PSEN1: variants seen among roughly 807,000 people sequenced by gnomAD.
The protein encoded by PSEN1 is presenilin 1.
Under a neutral mutation model 53.5 loss-of-function variants are expected in PSEN1, and 15 were observed. That is an observed-to-expected ratio of 0.28 (90% CI 0.19 to 0.43). The LOEUF is 0.43. PSEN1 is among the 20% of genes least tolerant of loss of function. The pLI, the probability that PSEN1 is intolerant of heterozygous loss-of-function variation, is 1.00. For synonymous variants in PSEN1, 208 were observed against 209.8 expected, an observed-to-expected ratio of 0.99 and a Z score of 0.08; for missense variants, 387 against 571.2, an observed-to-expected ratio of 0.68 and a Z score of 3.29.
At position 73,203,204 on chromosome 14, in the gene PSEN1, G is replaced by A. The variant is rs2140118338; in HGVS notation, c.869-3182G>A. ...AGCGATTCTCCTGCCTCGGCCTCCT[G>A]AGTAGCTGGGATTACAGACGCCTGC... On this transcript the variant is annotated intron_variant, in intron 8 of 11. Transcript: ENST00000324501. Among the ~76,000 whole-genome samples the A allele has an allele frequency of 1.3e-5, 2 of 152,206 alleles. 1 individual carries two copies. The highest frequency in any genetic ancestry group is 4.2e-4 in the South Asian group (2 of 4,804).
intron 3 of PSEN1, among the ~76,000 whole-genome samples, chr14:73,163,663 G>A (rs1280566010): frequency 6.6e-6 from 1 of 152,110 alleles, no homozygotes; most frequent in Non-Finnish European, 1.5e-5. Context: ...TCGATAGTCA[G>A]GAAATTCTCT....
At chr14:73,186,020 CAA>C (rs1039640884) in intron 5 of PSEN1, among the ~76,000 whole-genome samples, 1 of 152,124 alleles carries the variant, frequency 6.6e-6, no homozygotes, top group African/African-American at 2.4e-5. Flanking sequence ...ATTTTTGTAA[CAA>C]AATGTTGGAA....
At chr14:73,183,910 G>T (rs1898322264) in intron 5 of PSEN1, among the ~76,000 whole-genome samples, 1 of 149,378 alleles carries the variant, frequency 6.7e-6, no homozygotes, top group Non-Finnish European at 1.5e-5. Context: ...GGGCGGGGCG[G>T]CTGGCCGGGC....
chr14:73,183,826 C>T (rs369750792), intron 5 of PSEN1, among the ~76,000 whole-genome samples: 19 of 150,890 alleles, frequency 1.3e-4, no homozygotes, highest in Admixed American at 7.9e-4. Context: ...ACCTCCCAGA[C>T]GGGGTGGTGG....
intron 8 of PSEN1, among the ~76,000 whole-genome samples, chr14:73,200,934 C>T (rs1445150404): frequency 1.3e-5 from 2 of 151,956 alleles, no homozygotes; most frequent in Admixed American, 6.6e-5. Flanking sequence ...ACTTGTAATC[C>T]CAGTTACTTG....
At chr14:73,153,345 G>A (rs1897275704) in intron 3 of PSEN1, among the ~76,000 whole-genome samples, 1 of 152,170 alleles carries the variant, frequency 6.6e-6, no homozygotes, top group Non-Finnish European at 1.5e-5. Context: ...TTAGGCTTAA[G>A]CCTAACATAA....
intron 3 of PSEN1, among the ~76,000 whole-genome samples, chr14:73,164,965 G>GT (rs570593680): frequency 2.1e-3 from 322 of 150,156 alleles, no homozygotes; most frequent in Middle Eastern, 3.4e-3. Flanking sequence ...ACTTTTTTTT[G>GT]TTTTTTTTTG....
At chr14:73,201,070 T>C (rs931337429) in intron 8 of PSEN1, among the ~76,000 whole-genome samples, 1 of 146,998 alleles carries the variant, frequency 6.8e-6, no homozygotes, top group Non-Finnish European at 1.5e-5. Flanking sequence ...AAAAAGAGAA[T>C]ATCTTTTTGT....
chr14:73,164,947 A>G (rs1768078429), intron 3 of PSEN1, among the ~76,000 whole-genome samples: 1 of 152,162 alleles, frequency 6.6e-6, no homozygotes, highest in African/African-American at 2.4e-5. Flanking sequence ...CTTCTGTCAC[A>G]AAATTGTACT....
At chr14:73,183,470 G>A (rs1243977292) in intron 5 of PSEN1, among the ~76,000 whole-genome samples, 2 of 152,060 alleles carry the variant, frequency 1.3e-5, no homozygotes, top group Non-Finnish European at 2.9e-5. Flanking sequence ...GTGTCCCTGG[G>A]TACTTGAGAT....
At chr14:73,206,547 T>C (rs1899464231) in intron 9 of PSEN1, 75 bp downstream of exon 9, 2 of 1,037,868 alleles carry the variant, frequency 1.9e-6, no homozygotes, top group East Asian at 2.5e-5. Flanking sequence ...GCAATGTTTT[T>C]ATCGTCTTTC....
intron 1 of PSEN1, among the ~76,000 whole-genome samples, chr14:73,147,132 C>T (rs917535599): frequency 2.0e-5 from 3 of 151,456 alleles, no homozygotes; most frequent in South Asian, 2.1e-4. Context: ...ATTACAGATG[C>T]GCGCCACCAC....
At chr14:73,183,945 T>C (rs1595017803) in intron 5 of PSEN1, among the ~76,000 whole-genome samples, 1 of 134,840 alleles carries the variant, frequency 7.4e-6, no homozygotes, top group African/African-American at 2.9e-5. Flanking sequence ...CCCACCTCCC[T>C]CCCGGACGGG....
At chr14:73,150,106 G>C (rs1054671621) in intron 3 of PSEN1, among the ~76,000 whole-genome samples, 1 of 152,202 alleles carries the variant, frequency 6.6e-6, no homozygotes, top group African/African-American at 2.4e-5. Context: ...AGCACATACA[G>C]AAAGTATGGC....
Position 73,152,438 on chromosome 14 carries a change from A to T in PSEN1, c.87+4332A>T, listed in dbSNP as rs540661641. ...AACATGGTGAAACCCCATTTCTACT[A>T]AGAAAAAAAAAAAAAAAAAGTCAAT... is the stretch of plus-strand genomic sequence containing the variant. On this transcript the variant is annotated intron_variant, in intron 3 of 11. Transcript: ENST00000324501. Among the ~76,000 whole-genome samples, 6 of 145,812 alleles carry T rather than the reference A, an allele frequency of 4.1e-5. No homozygotes were observed. In the South Asian group the frequency reaches 1.3e-3, roughly 31 times the overall value.
intron 9 of PSEN1, among the ~76,000 whole-genome samples, chr14:73,209,401 G>A (rs1489949009): frequency 6.6e-6 from 1 of 152,238 alleles, no homozygotes; most frequent in East Asian, 1.9e-4. Context: ...CCTGGCTCTT[G>A]TGTTAACCTG....
chr14:73,160,871 G>A (rs779105967), intron 3 of PSEN1, among the ~76,000 whole-genome samples: 2 of 135,994 alleles, frequency 1.5e-5, no homozygotes, highest in South Asian at 2.5e-4. Flanking sequence ...GCAGTGGCGC[G>A]ATCTTGGCTC....
chr14:73,197,790 A>G, intron 7 of PSEN1: 1 of 516,288 alleles, frequency 1.9e-6, no homozygotes, highest in Non-Finnish European at 3.5e-6. Context: ...CACTAAGCAA[A>G]TAGCAGTCAA....
chr14:73,162,121 G>A (rs1334051524), intron 3 of PSEN1, among the ~76,000 whole-genome samples: 8 of 151,034 alleles, frequency 5.3e-5, no homozygotes, highest in African/African-American at 7.3e-5. Flanking sequence ...CAAGGTTGCA[G>A]TGAGCCAAGA....
Sources: gnomAD v4.1 joint callset for allele counts (sites outside exome capture counted in the v4.1 genomes callset) on GRCh38, gnomAD v4.1.1 for gene constraint, MANE v1.5 for transcripts, NCBI Gene and HGNC (gene_info 2026-07-23, HGNC 2026-07-21) for gene names.